Variants in NEURL1 observed in about 807,000 individuals in gnomAD.
NEURL1 encodes the protein E3 ubiquitin-protein ligase NEURL1.
A neutral mutation model predicts 41.2 loss-of-function variants in NEURL1; 26 were observed. The observed-to-expected ratio is 0.63, with a 90% CI of 0.46 to 0.87. The LOEUF is 0.87. NEURL1 is among the 40% of genes least tolerant of loss of function. The pLI, the probability that NEURL1 is intolerant of heterozygous loss-of-function variation, is 0.00. For missense variants in NEURL1, 761 were observed against 871.1 expected (o/e 0.87, Z 1.59); for synonymous variants, 400 against 402.3 (o/e 0.99, Z 0.07).
In NEURL1 at chr10:103,566,873, A is replaced by ATATG. The variant is rs2035434946; in HGVS notation, c.86-3996_86-3995insGTAT. Among the ~76,000 whole-genome samples the ATATG allele has an allele frequency of 6.6e-6, 1 of 152,134 alleles. No homozygotes were observed. The highest frequency in any genetic ancestry group is 6.5e-5 in the Admixed American group (1 of 15,286). The stretch of plus-strand genomic sequence containing the variant: ...CTGTGTTTTGGTGGCATACATATAC[A>ATATG]TATATGTATCATAGAGACAACATAA... On this transcript the variant is annotated intron_variant, in intron 1 of 5. Coordinates refer to ENST00000369780, the MANE Select transcript of NEURL1 (RefSeq NM_004210.5). This position sits in a 1 kb window ranked among gnomAD's most constrained non-coding sequence, Gnocchi z 4.2.
At chr10:103,534,763 G>A (rs1305567300) in intron 1 of NEURL1, among the ~76,000 whole-genome samples, 1 of 152,140 alleles carries the variant, frequency 6.6e-6, no homozygotes, top group African/African-American at 2.4e-5. Flanking sequence ...TGGCTGTGGG[G>A]CTGGGGTCCT....
chr10:103,588,766 A>G, intron 4 of NEURL1: 1 of 419,882 alleles, frequency 2.4e-6, no homozygotes, highest in Non-Finnish European at 4.7e-6. Context: ...CAACATGGTG[A>G]AACCCCGTCT....
intron 1 of NEURL1, among the ~76,000 whole-genome samples, 154 bp from the exon 2 acceptor site, chr10:103,570,718 G>A (rs1379935175): frequency 6.6e-6 from 1 of 152,058 alleles, no homozygotes; most frequent in African/African-American, 2.4e-5. Flanking sequence ...AGAGATGGTG[G>A]CAGAAGGATG....
In NEURL1 at chr10:103,543,717, A is replaced by G. The variant is rs1035206308; in HGVS notation, c.86-27155A>G. On this transcript the variant is annotated intron_variant, in intron 1 of 5. Transcript: ENST00000369780. ...GCCTTGGAGAGGGATAGTCTGGTCT[A>G]TTCCATCCCAGGGCATTGGGATGAT... 3.3e-5 allele frequency among the ~76,000 whole-genome samples: 5 copies of G among 152,314 alleles called. No homozygotes were observed. In the South Asian group the frequency reaches 6.2e-4, roughly 19 times the overall value.
chr10:103,510,352 G>A lies in NEURL1; in HGVS notation c.85+15880G>A, dbSNP rs549274173. On this transcript the variant is annotated intron_variant, in intron 1 of 5. Transcript: ENST00000369780. ...CTTTGCTTGGTGAGTCAAATCCATGGTGACAGGACTCAGGCTGCCCTGGGC... is the reference window on the plus strand; with the variant it reads ...CTTTGCTTGGTGAGTCAAATCCATGATGACAGGACTCAGGCTGCCCTGGGC... Among the ~76,000 whole-genome samples, 7 of 152,332 alleles carry A rather than the reference G, an allele frequency of 4.6e-5. No homozygotes were observed. The South Asian group carries it at 1.5e-3, about 32-fold the overall frequency.
chr10:103,524,343 TA>T (rs2034418376), intron 1 of NEURL1, among the ~76,000 whole-genome samples: 1 of 152,194 alleles, frequency 6.6e-6, no homozygotes, highest in Non-Finnish European at 1.5e-5. Flanking sequence ...TTCTGGATAT[TA>T]ACCCCTTGTC....
rs1441907971 is a variant in NEURL1 at position 103,584,872 on chromosome 10, G to T, written c.986G>T (p.Ser329Ile). The change falls in exon 4 of 6, where the codon AGC becomes ATC. Residue 329 changes from serine (S) to isoleucine (I), a missense_variant. Physicochemically the swap from Ser to Ile is moderately radical, Grantham distance 142 (BLOSUM62 -2). Transcript: ENST00000369780. Reference sequence around the variant, plus strand: ...GACGAGCGCGCGCTCGTCTTCACCAGCCGGCCCGTGCGCGTGGCCGAGACC... The same window carrying T: ...GACGAGCGCGCGCTCGTCTTCACCATCCGGCCCGTGCGCGTGGCCGAGACC... ...GRDERALVFT[S>I]RPVRVAETIF... 1.4e-5 allele frequency: 19 copies of T among 1,354,762 alleles called. No individual in the cohort carries two copies. The highest frequency in any genetic ancestry group is 4.7e-6 in the Non-Finnish European group (5 of 1,057,094). 83.9% of individuals were successfully genotyped at this position (1,354,762 alleles called of 1,614,324 possible).
intron 1 of NEURL1, among the ~76,000 whole-genome samples, chr10:103,533,662 G>A (rs1184839210): frequency 2.0e-5 from 3 of 152,062 alleles, no homozygotes; most frequent in East Asian, 1.9e-4. Context: ...TCAGCCTCCT[G>A]AGTAGCTGGG....
At chr10:103,569,349 G>C (rs1437338804) in intron 1 of NEURL1, among the ~76,000 whole-genome samples, 1 of 152,208 alleles carries the variant, frequency 6.6e-6, no homozygotes, top group Non-Finnish European at 1.5e-5. Context: ...ATTCCGTTGA[G>C]GAGATGCACC....
At chr10:103,516,114 G>C (rs1421391463) in intron 1 of NEURL1, among the ~76,000 whole-genome samples, 2 of 151,078 alleles carry the variant, frequency 1.3e-5, no homozygotes, top group East Asian at 3.9e-4. Flanking sequence ...TGTAGTCCCA[G>C]CTACTTGGGA....
chr10:103,584,756 C>T lies in NEURL1; in HGVS notation c.870C>T (p.Leu290=). ...SQHSRALPAQ[L]DGDLRFHALR... is the part of the protein sequence containing the mutation. ...ACAGCCGCGCGCTGCCGGCGCAGCT[C>T]GACGGCGACCTGCGTTTCCACGCCC... Residue 290 remains leucine, a synonymous_variant, in exon 4 of 6, where the codon CTC becomes CTT. Coordinates refer to ENST00000369780, the MANE Select transcript of NEURL1 (RefSeq NM_004210.5). The T allele has an allele frequency of 6.9e-7, 1 of 1,456,218 alleles. No individual in the cohort carries two copies. The highest frequency in any genetic ancestry group is 9.0e-7 in the Non-Finnish European group (1 of 1,108,534). The allele number at this position is 1,456,218 out of a possible 1,614,324, so 90.2% of individuals were successfully genotyped here.
chr10:103,500,158 C>T (rs2033790786), intron 1 of NEURL1, among the ~76,000 whole-genome samples: 1 of 152,200 alleles, frequency 6.6e-6, no homozygotes, highest in South Asian at 2.1e-4. Flanking sequence ...ACCCATCCTG[C>T]ATGCCCTGTT....
chr10:103,563,913 G>A (rs1217017022), intron 1 of NEURL1, among the ~76,000 whole-genome samples: 1 of 152,164 alleles, frequency 6.6e-6, no homozygotes, highest in East Asian at 1.9e-4. Context: ...GTGGCATTGG[G>A]GGCATAAATC....
chr10:103,527,535 T>A (rs376297356), intron 1 of NEURL1, among the ~76,000 whole-genome samples: 5 of 152,118 alleles, frequency 3.3e-5, no homozygotes, highest in Admixed American at 6.6e-5. Flanking sequence ...CCTCAGGTGA[T>A]CTGCCCACCT....
At chr10:103,540,474 C>T (rs532392216) in intron 1 of NEURL1, among the ~76,000 whole-genome samples, 1 of 151,994 alleles carries the variant, frequency 6.6e-6, no homozygotes, top group South Asian at 2.1e-4. Context: ...ATTTTTAGTA[C>T]AGACAGGGTT....
intron 1 of NEURL1, chr10:103,555,326 T>G: frequency 1.5e-6 from 2 of 1,292,934 alleles, no homozygotes; most frequent in South Asian, 2.5e-5. Flanking sequence ...CCGGGGCGAC[T>G]CGGTGACCAG....
intron 1 of NEURL1, among the ~76,000 whole-genome samples, chr10:103,521,205 C>T (rs1180276900): frequency 4.6e-5 from 7 of 152,052 alleles, no homozygotes; most frequent in Non-Finnish European, 1.0e-4. Flanking sequence ...ACCCAAAGCC[C>T]GAGAAACTGC....
intron 1 of NEURL1, among the ~76,000 whole-genome samples, chr10:103,509,670 G>A (rs957737218): frequency 4.6e-5 from 7 of 152,186 alleles, no homozygotes; most frequent in Non-Finnish European, 7.4e-5. Flanking sequence ...ATAAGAAGAG[G>A]CCAGATCGGC....
chr10:103,573,971 A>G (rs1158721774), intron 3 of NEURL1, among the ~76,000 whole-genome samples: 1 of 152,120 alleles, frequency 6.6e-6, no homozygotes, highest in Non-Finnish European at 1.5e-5. Context: ...CCATACGTCC[A>G]CTTCCCTGCA....
Sources: allele counts gnomAD v4.1 joint callset (sites outside exome capture counted in the v4.1 genomes callset), GRCh38; gene constraint gnomAD v4.1.1; non-coding constraint Gnocchi (gnomAD v3.1); transcripts MANE v1.5; gene names NCBI Gene and HGNC (gene_info 2026-07-23, HGNC 2026-07-21).